CTNND2: variants seen among roughly 807,000 people sequenced by gnomAD.
CTNND2 encodes the protein catenin delta-2.
Under a neutral mutation model 144.4 loss-of-function variants are expected in CTNND2, and 22 were observed. The observed-to-expected ratio is 0.15, with a 90% CI of 0.11 to 0.22. The LOEUF is 0.22. Ranked by LOEUF, CTNND2 falls within the 10% of genes least tolerant of loss-of-function variation. The pLI is 1.00. For missense variants in CTNND2, 1,353 were observed against 1,618.8 expected, an observed-to-expected ratio of 0.84 and a Z score of 2.82; for synonymous variants, 751 against 695.6, an observed-to-expected ratio of 1.08 and a Z score of -1.25.
chr5:11,759,665 A>G (rs1789149129), intron 1 of CTNND2, among the ~76,000 whole-genome samples: 1 of 152,184 alleles, frequency 6.6e-6, no homozygotes, highest in Admixed American at 6.5e-5. Context: ...TGTTATACAT[A>G]TGAGGTAATA....
At chr5:11,056,785 A>AGCTAGG (rs1746393431) in intron 16 of CTNND2, among the ~76,000 whole-genome samples, 2 of 152,248 alleles carry the variant, frequency 1.3e-5, no homozygotes, top group African/African-American at 4.8e-5. Context: ...TGGCTGAACT[A>AGCTAGG]GCTAGGGCTA....
rs1431259822 is a variant in CTNND2, at chr5:11,887,642, A to T, written c.37+16175T>A. The stretch of plus-strand genomic sequence containing the variant: ...TTGTTATAATTAATGACCAGTATTG[A>T]TACATTATTATTAACTAAAGTTCAT... On this transcript the variant is annotated intron_variant, in intron 1 of 21. Transcript: ENST00000304623. Among the ~76,000 whole-genome samples the T allele has an allele frequency of 2.0e-5, 3 of 152,210 alleles. No individual in the cohort carries two copies. The South Asian group carries it at 6.2e-4, about 32-fold the overall frequency.
intron 3 of CTNND2, among the ~76,000 whole-genome samples, chr5:11,502,863 A>G (rs1355409044): frequency 6.6e-6 from 1 of 152,226 alleles, no homozygotes; most frequent in Admixed American, 6.5e-5. Flanking sequence ...ACATGCAAAA[A>G]TTAAGGCCAA....
At chr5:11,672,447 G>T (rs1783923034) in intron 2 of CTNND2, among the ~76,000 whole-genome samples, 1 of 152,204 alleles carries the variant, frequency 6.6e-6, no homozygotes, top group Non-Finnish European at 1.5e-5. Context: ...GTCCCTGACT[G>T]GGGCTGCTCA....
intron 2 of CTNND2, among the ~76,000 whole-genome samples, chr5:11,583,808 G>T (rs1778622015): frequency 6.6e-6 from 1 of 152,120 alleles, no homozygotes; most frequent in African/African-American, 2.4e-5. Flanking sequence ...CATGACATCT[G>T]GTCAATATCT....
At chr5:11,350,514 A>G (rs1285637819) in intron 8 of CTNND2, among the ~76,000 whole-genome samples, 2 of 152,152 alleles carry the variant, frequency 1.3e-5, no homozygotes, top group Admixed American at 6.5e-5. Flanking sequence ...AATCACAATC[A>G]TGTGTAGTTT....
intron 16 of CTNND2, among the ~76,000 whole-genome samples, chr5:11,073,409 T>C (rs1748562025): frequency 6.6e-6 from 1 of 152,222 alleles, no homozygotes; most frequent in Non-Finnish European, 1.5e-5. Context: ...TAAAGTTAGG[T>C]CGGCTCTCCG....
At chr5:11,444,890 G>A (rs932554953) in intron 3 of CTNND2, among the ~76,000 whole-genome samples, 1 of 152,134 alleles carries the variant, frequency 6.6e-6, no homozygotes, top group African/African-American at 2.4e-5. Flanking sequence ...ATTGGGGTAT[G>A]TGATCAGGGC....
At chr5:11,259,284 G>A (rs1031449291) in intron 9 of CTNND2, among the ~76,000 whole-genome samples, 1 of 152,122 alleles carries the variant, frequency 6.6e-6, no homozygotes, top group African/African-American at 2.4e-5. Context: ...GTGTGTATAT[G>A]TGGGTCTCTT....
intron 18 of CTNND2, among the ~76,000 whole-genome samples, chr5:11,002,416 T>C (rs1274341054): frequency 6.6e-6 from 1 of 152,194 alleles, no homozygotes; most frequent in African/African-American, 2.4e-5. Context: ...CTACTTCTGC[T>C]GAATCACAGA....
chr5:11,441,362 T>C (rs1764242411), intron 3 of CTNND2, among the ~76,000 whole-genome samples: 1 of 146,338 alleles, frequency 6.8e-6, no homozygotes, highest in Non-Finnish European at 1.5e-5. Context: ...AATTCTCCAA[T>C]GTGGGATTTT....
chr5:11,421,071 G>A (rs561689147), intron 3 of CTNND2, among the ~76,000 whole-genome samples: 2 of 152,162 alleles, frequency 1.3e-5, no homozygotes, highest in Admixed American at 6.5e-5. Context: ...TAAGACTAGC[G>A]GGAACCAATA....
chr5:11,013,681 C>T (rs958631272), intron 18 of CTNND2, among the ~76,000 whole-genome samples: 2 of 152,180 alleles, frequency 1.3e-5, no homozygotes, highest in African/African-American at 2.4e-5. Context: ...TAACATGCCT[C>T]ATTAGGTTGT....
chr5:11,602,049 G>A (rs149352252), intron 2 of CTNND2, among the ~76,000 whole-genome samples: 3 of 152,066 alleles, frequency 2.0e-5, no homozygotes, highest in African/African-American at 7.2e-5. Context: ...TCCTCCAAGA[G>A]GGTGTTAATT....
chr5:11,566,197 A>T (rs893320038), intron 2 of CTNND2, among the ~76,000 whole-genome samples: 1 of 152,156 alleles, frequency 6.6e-6, no homozygotes, highest in Non-Finnish European at 1.5e-5. Context: ...TAATATTGAC[A>T]TTATTTTGGG....
intron 11 of CTNND2, among the ~76,000 whole-genome samples, chr5:11,188,278 A>G (rs1301533463): frequency 6.6e-6 from 1 of 152,210 alleles, no homozygotes; most frequent in Non-Finnish European, 1.5e-5. Context: ...ACAGCCATAA[A>G]AAGGAGTGAG....
intron 1 of CTNND2, among the ~76,000 whole-genome samples, chr5:11,838,493 T>A (rs1174642052): frequency 1.3e-5 from 2 of 152,166 alleles, no homozygotes; most frequent in East Asian, 3.9e-4. Flanking sequence ...TTATTAGCTC[T>A]CCAAGTAAGG....
chr5:11,691,850 C>T (rs887395266), intron 2 of CTNND2, among the ~76,000 whole-genome samples: 5 of 152,124 alleles, frequency 3.3e-5, no homozygotes, highest in African/African-American at 7.2e-5. Flanking sequence ...ATGATTGCAC[C>T]GCTGCACTTC....
At chr5:11,002,258 G>A (rs1740033690) in intron 18 of CTNND2, among the ~76,000 whole-genome samples, 2 of 152,234 alleles carry the variant, frequency 1.3e-5, no homozygotes, top group South Asian at 4.1e-4. Context: ...ATGACCAGTG[G>A]TGCTCCAGAA....
Sources: gnomAD v4.1 joint callset for allele counts (sites outside exome capture counted in the v4.1 genomes callset) on GRCh38, gnomAD v4.1.1 for gene constraint, MANE v1.5 for transcripts, NCBI Gene and HGNC (gene_info 2026-07-23, HGNC 2026-07-21) for gene names.